The following SUPT3H variants were observed in gnomAD, a reference collection of about 807,000 sequenced individuals.
The protein encoded by SUPT3H is transcription initiation protein SPT3 homolog.
In SUPT3H, 44 loss-of-function variants were observed where a neutral mutation model predicts 44.3. The observed-to-expected ratio is 0.99, with a 90% confidence interval of 0.78 to 1.28. SUPT3H has a LOEUF of 1.28. SUPT3H is among the 50% of genes most tolerant of loss of function. The pLI, the probability that SUPT3H is intolerant of heterozygous loss-of-function variation, is 0.00. For synonymous variants in SUPT3H, 124 were observed against 125.6 expected, an observed-to-expected ratio of 0.99 and a Z score of 0.09; for missense variants, 380 against 387.1, an observed-to-expected ratio of 0.98 and a Z score of 0.15.
At chr6:44,911,258 T>C (rs1766993472) in intron 10 of SUPT3H, among the ~76,000 whole-genome samples, 1 of 133,474 alleles carries the variant, frequency 7.5e-6, no homozygotes, top group Non-Finnish European at 1.7e-5. Flanking sequence ...CACTTAAATT[T>C]TTTAGTCAGC....
At chr6:45,251,352 GTCTCTTC>G (rs1422883863) in intron 2 of SUPT3H, among the ~76,000 whole-genome samples, 1 of 150,996 alleles carries the variant, frequency 6.6e-6, no homozygotes, top group Non-Finnish European at 1.5e-5. Context: ...AAACCAATTA[GTCTCTTC>G]TTTAAACTTA....
intron 6 of SUPT3H, among the ~76,000 whole-genome samples, chr6:44,969,583 AAT>A (rs1777268352): frequency 1.3e-5 from 2 of 152,300 alleles, no homozygotes; most frequent in South Asian, 4.1e-4. Flanking sequence ...CAGAGGCTTG[AAT>A]ATATGTTTTT....
chr6:44,929,569 G>T (rs1014347530), intron 10 of SUPT3H, among the ~76,000 whole-genome samples: 1 of 152,188 alleles, frequency 6.6e-6, no homozygotes, highest in Non-Finnish European at 1.5e-5. Flanking sequence ...CAGCCTTTCT[G>T]TATGAAAATA....
chr6:44,951,774 A>G (rs533959393), intron 9 of SUPT3H, among the ~76,000 whole-genome samples: 1 of 152,360 alleles, frequency 6.6e-6, no homozygotes, highest in Admixed American at 6.5e-5. Context: ...TAGGCATGCA[A>G]GCAATCACTT....
chr6:45,227,087 A>C (rs1484405157), intron 2 of SUPT3H, among the ~76,000 whole-genome samples: 1 of 151,192 alleles, frequency 6.6e-6, no homozygotes, highest in African/African-American at 2.4e-5. Flanking sequence ...TCAAGGGATC[A>C]TCCTGCTTCA....
intron 2 of SUPT3H, among the ~76,000 whole-genome samples, chr6:45,327,912 CA>C (rs770336284): frequency 3.3e-5 from 5 of 151,860 alleles, no homozygotes; most frequent in Non-Finnish European, 5.9e-5. Flanking sequence ...ACTCTTGAGC[CA>C]ATTTTGTTCA....
intron 10 of SUPT3H, among the ~76,000 whole-genome samples, chr6:44,878,859 G>A (rs1421609890): frequency 6.6e-6 from 1 of 152,116 alleles, no homozygotes; most frequent in African/African-American, 2.4e-5. Flanking sequence ...GAAGCCGTGA[G>A]GGACCATGCT....
intron 1 of SUPT3H, among the ~76,000 whole-genome samples, chr6:45,376,506 TGTGCCTAGGCTACCACTA>T (rs1205917577): frequency 6.6e-6 from 1 of 152,238 alleles, no homozygotes; most frequent in Non-Finnish European, 1.5e-5. Context: ...GAAGAGCCAC[TGTGCCTAGGCTACCACTA>T]GTGCCTAAAG....
chr6:44,979,817 CAG>C (rs1248094987), intron 6 of SUPT3H, among the ~76,000 whole-genome samples: 1 of 152,152 alleles, frequency 6.6e-6, no homozygotes, highest in Non-Finnish European at 1.5e-5. Flanking sequence ...TCAGGTAAAA[CAG>C]AACGCAATTA....
At chr6:45,123,513 A>C (rs1023730147) in intron 2 of SUPT3H, among the ~76,000 whole-genome samples, 5 of 151,876 alleles carry the variant, frequency 3.3e-5, no homozygotes, top group Admixed American at 1.3e-4. Flanking sequence ...TGCTGGGATT[A>C]TAGCTGTGAG....
intron 10 of SUPT3H, among the ~76,000 whole-genome samples, chr6:44,901,150 G>GCAA (rs202039642): frequency 0.17 from 25,313 of 152,042 alleles, 2,693 homozygotes; most frequent in Non-Finnish European, 0.24. Flanking sequence ...CTCCTCACCA[G>GCAA]CAACAGAACA....
intron 9 of SUPT3H, among the ~76,000 whole-genome samples, chr6:44,938,651 C>A (rs544050996): frequency 2.6e-5 from 4 of 152,118 alleles, no homozygotes; most frequent in Non-Finnish European, 4.4e-5. Flanking sequence ...TGGATCTGTA[C>A]AATGCTTTGG....
chr6:45,107,070 G>A (rs1174838044), intron 2 of SUPT3H, among the ~76,000 whole-genome samples: 1 of 152,126 alleles, frequency 6.6e-6, no homozygotes, highest in African/African-American at 2.4e-5. Flanking sequence ...TTCAAGAATG[G>A]ATTAAAAAGG....
chr6:45,149,301 C>T (rs1188340815), intron 2 of SUPT3H, among the ~76,000 whole-genome samples: 1 of 152,060 alleles, frequency 6.6e-6, no homozygotes, highest in East Asian at 1.9e-4. Context: ...CTATGACCTA[C>T]TACAGTTGAA....
intron 2 of SUPT3H, among the ~76,000 whole-genome samples, chr6:45,192,345 G>A (rs1748240): frequency 0.87 from 132,555 of 152,118 alleles, 57,983 homozygotes; most frequent in African/African-American, 0.92. Context: ...TTATTAAAAC[G>A]AAACTGTTTG....
At chr6:44,928,882 C>CAAAATAAATAAAT (rs1491206167) in intron 10 of SUPT3H, among the ~76,000 whole-genome samples, 3 of 20,650 alleles carry the variant, frequency 1.5e-4, no homozygotes, top group Admixed American at 6.3e-4. Flanking sequence ...GACTCCGTCT[C>CAAAATAAATAAAT]AAAAAAAAAA....
rs367988527 is a variant in SUPT3H at position 45,313,218 on chromosome 6, C to T, written c.101+51983G>A. 3.2e-4 allele frequency among the ~76,000 whole-genome samples: 48 copies of T among 152,052 alleles called. 1 individual carries two copies. In the South Asian group the frequency reaches 7.3e-3, roughly 23 times the overall value. Reference sequence around the variant, plus strand: ...AGCACAAACAGACAATCTAAAGTCACGCCTCAGGGAACTACAGAAACAAGA... The same window carrying T: ...AGCACAAACAGACAATCTAAAGTCATGCCTCAGGGAACTACAGAAACAAGA... On this transcript the variant is annotated intron_variant, in intron 2 of 10. Coordinates refer to ENST00000371459, the MANE Select transcript of SUPT3H (RefSeq NM_003599.4).
intron 3 of SUPT3H, among the ~76,000 whole-genome samples, chr6:45,044,615 C>G (rs991808965): frequency 3.9e-5 from 6 of 152,130 alleles, no homozygotes; most frequent in Non-Finnish European, 8.8e-5. Context: ...TATGGTAAAA[C>G]AAATACTTTA....
intron 10 of SUPT3H, among the ~76,000 whole-genome samples, chr6:44,868,195 C>T (rs1319361286): frequency 6.6e-6 from 1 of 152,152 alleles, no homozygotes; most frequent in Non-Finnish European, 1.5e-5. Flanking sequence ...TGTGAGTGCC[C>T]CCATAGCTGG....
Sources: allele counts gnomAD v4.1 joint callset (sites outside exome capture counted in the v4.1 genomes callset), GRCh38; gene constraint gnomAD v4.1.1; transcripts MANE v1.5; gene names NCBI Gene and HGNC (gene_info 2026-07-23, HGNC 2026-07-21).